Variants in PCDHGB2 observed in about 807,000 individuals in gnomAD.
PCDHGB2 encodes protocadherin gamma subfamily B, 2, also known as protocadherin gamma-B2.
In PCDHGB2, 55 loss-of-function variants were observed where a neutral mutation model predicts 59.3. The ratio of observed to expected loss-of-function variants is 0.93; its 90% CI spans 0.75 to 1.16. The LOEUF is 1.16. Ranked by LOEUF, PCDHGB2 falls within the 50% of genes most tolerant of loss-of-function variation. The probability of loss-of-function intolerance (pLI) is 0.00; values close to 1 mark genes in which losing one functional copy is unlikely to be tolerated. For missense variants in PCDHGB2, 1,228 were observed against 1,198.5 expected (o/e 1.02, Z -0.36); for synonymous variants, 516 against 512.0 (o/e 1.01, Z -0.11).
chr5:141,372,129 C>G (rs62620756), intron 1 of PCDHGB2: 1 of 1,613,624 alleles, frequency 6.2e-7, no homozygotes, highest in Non-Finnish European at 8.5e-7. Context: ...CGATATGGTG[C>G]CGCGCTCTGC....
At chr5:141,460,983 G>GTGTGTA (rs1554142949) in intron 1 of PCDHGB2, among the ~76,000 whole-genome samples, 82 of 137,842 alleles carry the variant, frequency 5.9e-4, no homozygotes, top group African/African-American at 1.9e-3. Flanking sequence ...GTGTGTGTGT[G>GTGTGTA]TATATATATA....
chr5:141,422,344 C>G, intron 1 of PCDHGB2: 1 of 1,550,890 alleles, frequency 6.4e-7, no homozygotes, highest in Non-Finnish European at 8.7e-7. Flanking sequence ...TCTAAATGTG[C>G]AAGATCAAGA....
Position 141,512,106 on chromosome 5 carries a change from T to A in PCDHGB2, c.*933T>A, listed in dbSNP as rs2099884076. 6.6e-6 allele frequency: 1 copy of A among 152,630 alleles called. No homozygotes were observed. Among genetic ancestry groups the A allele is most frequent in the Non-Finnish European group, 1.5e-5 (1 of 68,060 alleles). 9.5% of individuals were successfully genotyped at this position (152,630 alleles called of 1,614,324 possible). On this transcript the variant is annotated 3_prime_UTR_variant, in exon 4 of 4. Transcript: ENST00000522605. ...TAAACCAATAACTAGGCTGGACCCT[T>A]CCCACTACATAATAGGGCTCAGCCC...
intron 1 of PCDHGB2, chr5:141,403,191 G>A (rs368387997): frequency 1.1e-5 from 18 of 1,613,876 alleles, no homozygotes; most frequent in Non-Finnish European, 1.4e-5. Context: ...CTGAACCCGC[G>A]CAGCGGCACC....
At chr5:141,386,719 C>A (rs1487131983) in intron 1 of PCDHGB2, among the ~76,000 whole-genome samples, 1 of 152,104 alleles carries the variant, frequency 6.6e-6, no homozygotes, top group African/African-American at 2.4e-5. Flanking sequence ...CTGACACCAA[C>A]AATGTTACTG....
At position 141,489,786 on chromosome 5, in the gene PCDHGB2, G is replaced by A. The variant is rs758119518; in HGVS notation, c.2422-5021G>A. 8.7e-6 allele frequency: 14 copies of A among 1,614,194 alleles called. No individual in the cohort carries two copies. Among genetic ancestry groups the A allele is most frequent in the Non-Finnish European group, 1.2e-5 (14 of 1,180,014 alleles). ...CCAACAGCCACTTCTCTCTGAATGTGAAGACCCTAAAAGATGGGAAGCCAT... is the reference window on the plus strand; with the variant it reads ...CCAACAGCCACTTCTCTCTGAATGTAAAGACCCTAAAAGATGGGAAGCCAT... On this transcript the variant is annotated intron_variant, in intron 1 of 3. Transcript: ENST00000522605. This position sits in a 1 kb window ranked among gnomAD's most constrained non-coding sequence, Gnocchi z 4.5.
chr5:141,474,083 A>G (rs771906750), intron 1 of PCDHGB2, among the ~76,000 whole-genome samples: 2 of 152,190 alleles, frequency 1.3e-5, no homozygotes, highest in African/African-American at 2.4e-5. Flanking sequence ...AACAAAAACC[A>G]AAAAACAAAC....
At chr5:141,402,067 A>G (rs2094221639) in intron 1 of PCDHGB2, among the ~76,000 whole-genome samples, 1 of 152,226 alleles carries the variant, frequency 6.6e-6, no homozygotes, top group Non-Finnish European at 1.5e-5. Flanking sequence ...TTAAAAAACT[A>G]AGCATTTTTG....
At chr5:141,417,770 T>G in intron 1 of PCDHGB2, 1 of 1,456,418 alleles carries the variant, frequency 6.9e-7, no homozygotes, top group Non-Finnish European at 9.1e-7. Context: ...CCGGGACTCC[T>G]CCTGTCCTGG....
At chr5:141,443,447 C>T (rs1267862519) in intron 1 of PCDHGB2, among the ~76,000 whole-genome samples, 1 of 152,184 alleles carries the variant, frequency 6.6e-6, no homozygotes, top group African/African-American at 2.4e-5. Flanking sequence ...GGTTGCGCTC[C>T]TGTACTCCAG....
intron 1 of PCDHGB2, chr5:141,412,074 A>G (rs751287485): frequency 2.0e-5 from 3 of 152,184 alleles, no homozygotes; most frequent in Non-Finnish European, 4.4e-5. Context: ...TGAGGGAACA[A>G]TTGCTACTGG....
intron 1 of PCDHGB2, chr5:141,376,347 A>G (rs1218451115): frequency 6.2e-7 from 1 of 1,614,056 alleles, no homozygotes; most frequent in Non-Finnish European, 8.5e-7. Flanking sequence ...ACCTATTCCC[A>G]CGAGGTCTCA....
At chr5:141,462,387 A>G (rs781355919) in intron 1 of PCDHGB2, among the ~76,000 whole-genome samples, 13 of 152,178 alleles carry the variant, frequency 8.5e-5, no homozygotes, top group Non-Finnish European at 1.3e-4. Context: ...AAATTCGTTA[A>G]CATTTCTTTT....
Position 141,432,289 on chromosome 5 carries a change from C to T in PCDHGB2, c.2422-62518C>T, listed in dbSNP as rs762278053. ...CGTCCTACGTGTCCATCAACTCCGACACTGGGGTACTGTATGCGCTGAGCT... is the reference window on the plus strand; with the variant it reads ...CGTCCTACGTGTCCATCAACTCCGATACTGGGGTACTGTATGCGCTGAGCT... On this transcript the variant is annotated intron_variant, in intron 1 of 3. Coordinates refer to ENST00000522605, the MANE Select transcript of PCDHGB2 (RefSeq NM_018923.3). The surrounding 1 kb of genome is among the most constrained non-coding windows in gnomAD (Gnocchi z 6.0). The T allele has an allele frequency of 6.2e-7, 1 of 1,614,266 alleles. No homozygotes were observed. Among genetic ancestry groups the T allele is most frequent in the Admixed American group, 1.7e-5 (1 of 60,038 alleles).
At chr5:141,444,864 A>G (rs1304165078) in intron 1 of PCDHGB2, among the ~76,000 whole-genome samples, 1 of 152,210 alleles carries the variant, frequency 6.6e-6, no homozygotes, top group African/African-American at 2.4e-5. Context: ...GTCTTACTAC[A>G]GGACAAAGCT....
chr5:141,438,386 T>C (rs757664430), intron 1 of PCDHGB2, among the ~76,000 whole-genome samples: 1 of 151,778 alleles, frequency 6.6e-6, no homozygotes, highest in Admixed American at 6.6e-5. Flanking sequence ...AATTTCTTAG[T>C]TCATCATTAA....
intron 1 of PCDHGB2, chr5:141,409,000 C>T (rs779251035): frequency 6.2e-7 from 1 of 1,613,950 alleles, no homozygotes; most frequent in South Asian, 1.1e-5. Context: ...AAGTGACAGC[C>T]ACTGACCAGG....
chr5:141,371,762 C>G (rs755631698), intron 1 of PCDHGB2: 1 of 1,614,030 alleles, frequency 6.2e-7, no homozygotes, highest in South Asian at 1.1e-5. Context: ...ACCAGGCCTC[C>G]TACACCGTGC....
chr5:141,412,233 A>G (rs866840267), intron 1 of PCDHGB2: 4 of 152,256 alleles, frequency 2.6e-5, no homozygotes, highest in Admixed American at 6.5e-5. Context: ...TTAAAAACCT[A>G]TATCACTACA....
Sources: allele counts gnomAD v4.1 joint callset (sites outside exome capture counted in the v4.1 genomes callset), GRCh38; gene constraint gnomAD v4.1.1; non-coding constraint Gnocchi (gnomAD v3.1); transcripts MANE v1.5; gene names NCBI Gene and HGNC (gene_info 2026-07-23, HGNC 2026-07-21).